The following RIPPLY2 variants were observed in gnomAD, a reference collection of about 807,000 sequenced individuals.
RIPPLY2 encodes the protein protein ripply2.
In RIPPLY2, 20 loss-of-function variants were observed where a neutral mutation model predicts 17.7. The ratio of observed to expected loss-of-function variants is 1.13; its 90% confidence interval spans 0.79 to 1.64. The LOEUF is 1.64. Among genes scored for constraint, RIPPLY2 ranks in the 40% most tolerant of loss-of-function variants. The pLI, the probability that RIPPLY2 is intolerant of heterozygous loss-of-function variation, is 0.00. For synonymous variants in RIPPLY2, 69 were observed against 63.9 expected (o/e 1.08, Z -0.38); for missense variants, 213 against 169.8 (o/e 1.25, Z -1.41).
In RIPPLY2 at chr6:83,857,456, T is replaced by C. The variant is rs571970844; in HGVS notation, c.*67T>C. 5.8e-5 allele frequency: 57 copies of C among 977,708 alleles called. 1 individual carries two copies. The Middle Eastern group carries it at 1.9e-3, about 32-fold the overall frequency. The allele number at this position is 977,708 out of a possible 1,614,324, so 60.6% of individuals were successfully genotyped here. On this transcript the variant is annotated 3_prime_UTR_variant, in exon 4 of 4. Transcript: ENST00000369689. ...TTAAATTTAGTGTACAAATGTATCA[T>C]AATTATTTTAAACTAATTTATTTGT...
Position 83,853,477 on chromosome 6 carries a change from G to A in RIPPLY2, c.61G>A (p.Asp21Asn). 6.5e-7 allele frequency: 1 copy of A among 1,540,956 alleles called. No homozygotes were observed. ...TGGAGCTGCGGCGTGCGCGGCCACC[G>A]ACGGCCCTACGCGGCGCGCGGGCGC... ...ESGAAACAAT[D>N]GPTRRAGADS... The change falls in exon 1 of 4, where the codon GAC becomes AAC. Residue 21 changes from aspartate to asparagine, a missense_variant. Coordinates refer to ENST00000369689, the MANE Select transcript of RIPPLY2 (RefSeq NM_001009994.3).
Position 83,853,438 on chromosome 6 carries a change from G to C in RIPPLY2, c.22G>C (p.Glu8Gln). Reference sequence around the variant, plus strand: ...CGTCATGGAGAACGCGGGAGGCGCAGAGGGTACAGAGAGTGGAGCTGCGGC... The same window carrying C: ...CGTCATGGAGAACGCGGGAGGCGCACAGGGTACAGAGAGTGGAGCTGCGGC... Reference protein sequence around the residue: MENAGGAEGTESGAAACA... With the variant: MENAGGAQGTESGAAACA... The change falls in exon 1 of 4, where the codon GAG becomes CAG. Residue 8 changes from glutamate (E) to glutamine (Q), a missense_variant. Coordinates refer to ENST00000369689, the MANE Select transcript of RIPPLY2 (RefSeq NM_001009994.3). 6.5e-7 allele frequency: 1 copy of C among 1,543,808 alleles called. No homozygotes were observed. The highest frequency in any genetic ancestry group is 2.4e-5 in the East Asian group (1 of 40,862).
intron 2 of RIPPLY2, 158 bp downstream of exon 2, chr6:83,853,931 G>A (rs2099454597): frequency 2.0e-6 from 2 of 977,414 alleles, no homozygotes; most frequent in Non-Finnish European, 3.1e-6. Flanking sequence ...CCGACGCGGC[G>A]GATGTGTCCT....
chr6:83,857,309 T>A lies in RIPPLY2; in HGVS notation c.307T>A (p.Phe103Ile). The change falls in exon 4 of 4, where the codon TTT becomes ATT. Residue 103 changes from phenylalanine to isoleucine, a missense_variant. Phe to Ile is a conservative substitution (Grantham distance 21, BLOSUM62 0). Transcript: ENST00000369689. ...AGAAGCAGAAGCTCTTCTGAAAAAT[T>A]TTCCAATTCAAGCCACAATTTCATT... The part of the protein sequence containing the change: ...YQEAEALLKN[F>I]PIQATISFYE... 6.3e-7 allele frequency: 1 copy of A among 1,578,714 alleles called. No homozygotes were observed. The highest frequency in any genetic ancestry group is 1.2e-5 in the South Asian group (1 of 83,986).
At chr6:83,854,059 G>T in intron 2 of RIPPLY2, 38 bp from the exon 3 acceptor site, 1 of 1,568,368 alleles carries the variant, frequency 6.4e-7, no homozygotes, top group South Asian at 1.1e-5. Context: ...TCTAGAAGGA[G>T]GTGGGTGATA....
In RIPPLY2 at chr6:83,853,425, C is replaced by T. The variant is rs758151366; in HGVS notation, c.9C>T (p.Asn3=). ME[N]AGGAEGTESG... is the part of the protein sequence containing the mutation. ...CCCAGCTCTGCGGCGTCATGGAGAA[C>T]GCGGGAGGCGCAGAGGGTACAGAGA... The change falls in exon 1 of 4, where the codon AAC becomes AAT. Residue 3 remains asparagine, a synonymous_variant. Coordinates refer to ENST00000369689, the MANE Select transcript of RIPPLY2 (RefSeq NM_001009994.3). 3.2e-6 allele frequency: 5 copies of T among 1,543,450 alleles called. No individual in the cohort carries two copies. The African/African-American group carries it at 5.5e-5, about 17-fold the overall frequency.
intron 3 of RIPPLY2, chr6:83,856,411 C>T (rs2099454994): frequency 6.6e-6 from 1 of 152,110 alleles, no homozygotes; most frequent in African/African-American, 2.4e-5. Flanking sequence ...GGGCTGTTTA[C>T]CCTGCACTAA....
chr6:83,853,991 C>T (rs2099454611), intron 2 of RIPPLY2, 106 bp from the exon 3 acceptor site: 4 of 1,192,452 alleles, frequency 3.4e-6, no homozygotes, highest in Admixed American at 1.7e-5. Context: ...CTGCTGAGAG[C>T]CCTGGGGTTA....
At chr6:83,854,341 C>T (rs2099454669) in intron 3 of RIPPLY2, 180 bp downstream of exon 3, 5 of 616,752 alleles carry the variant, frequency 8.1e-6, no homozygotes, top group Non-Finnish European at 1.4e-5. Flanking sequence ...GCTCACGGTC[C>T]CACGTAAAGG....
chr6:83,854,352 G>A (rs925742717), intron 3 of RIPPLY2, 191 bp downstream of exon 3: 1 of 608,542 alleles, frequency 1.6e-6, no homozygotes, highest in African/African-American at 1.8e-5. Flanking sequence ...CACGTAAAGG[G>A]ACTGTTGATG....
At chr6:83,857,069 C>A (rs1221134805) in intron 3 of RIPPLY2, 173 bp from the exon 4 acceptor site, 2 of 380,474 alleles carry the variant, frequency 5.3e-6, no homozygotes, top group Non-Finnish European at 9.5e-6. Context: ...GATACTTGGG[C>A]AGGTAGATTC....
rs777207694 is a variant in RIPPLY2 at position 83,853,742 on chromosome 6, A to G, written c.143A>G (p.Glu48Gly). The change falls in exon 2 of 4, where the codon GAA becomes GGA. Residue 48 changes from glutamate (E) to glycine (G), a missense_variant. Coordinates refer to ENST00000369689, the MANE Select transcript of RIPPLY2 (RefSeq NM_001009994.3). Reference sequence around the variant, plus strand: ...TGGGTGGACGCCGGAGGCAAGAAAGAAGAGGAGACGCCGAACCACGCCGCG... The same window carrying G: ...TGGGTGGACGCCGGAGGCAAGAAAGGAGAGGAGACGCCGAACCACGCCGCG... ...RPWVDAGGKK[E>G]EETPNHAAEA... The G allele has an allele frequency of 6.8e-6, 11 of 1,613,592 alleles. 1 individual carries two copies. The South Asian group carries it at 1.2e-4, about 18-fold the overall frequency.
chr6:83,854,013 G>A, intron 2 of RIPPLY2, 84 bp from the exon 3 acceptor site: 1 of 1,333,162 alleles, frequency 7.5e-7, no homozygotes, highest in Non-Finnish European at 1.1e-6. Flanking sequence ...ATTCCCAGCG[G>A]GCACGAGGAA....
At chr6:83,854,270 C>G (rs992699094) in intron 3 of RIPPLY2, 109 bp downstream of exon 3, 3 of 872,426 alleles carry the variant, frequency 3.4e-6, no homozygotes, top group East Asian at 2.5e-5. Flanking sequence ...CTCTCTCTCT[C>G]TCTGAAAATC....
Position 83,853,462 on chromosome 6 carries a change from G to A in RIPPLY2, c.46G>A (p.Ala16Thr), listed in dbSNP as rs1295530476. 2 of 1,542,310 alleles carry A rather than the reference G, an allele frequency of 1.3e-6. No homozygotes were observed. The highest frequency in any genetic ancestry group is 1.7e-6 in the Non-Finnish European group (2 of 1,146,082). ...AGAGGGTACAGAGAGTGGAGCTGCG[G>A]CGTGCGCGGCCACCGACGGCCCTAC... Reference protein sequence around the residue: ...GAEGTESGAAACAATDGPTRR... With the variant: ...GAEGTESGAATCAATDGPTRR... The change falls in exon 1 of 4, where the codon GCG (alanine) becomes ACG (threonine). Residue 16 changes from alanine to threonine, a missense_variant. Ala to Thr is a moderately conservative substitution (Grantham distance 58, BLOSUM62 0). Transcript: ENST00000369689.
chr6:83,855,288 G>A (rs2099454823), intron 3 of RIPPLY2: 1 of 152,194 alleles, frequency 6.6e-6, no homozygotes, highest in Admixed American at 6.5e-5. Flanking sequence ...GGTAGTCTTG[G>A]GGGTTATATG....
chr6:83,853,886 G>T, intron 2 of RIPPLY2, 113 bp downstream of exon 2: 2 of 1,083,388 alleles, frequency 1.8e-6, no homozygotes. Flanking sequence ...CCTGCCTCTC[G>T]CTTAACATCC....
intron 3 of RIPPLY2, chr6:83,855,710 A>G (rs952421465): frequency 6.6e-6 from 1 of 152,276 alleles, no homozygotes; most frequent in African/African-American, 2.4e-5. Context: ...GGAAATACAG[A>G]CTTGGGAGTC....
chr6:83,854,208 G>T, intron 3 of RIPPLY2, 47 bp downstream of exon 3: 1 of 1,486,714 alleles, frequency 6.7e-7, no homozygotes, highest in South Asian at 1.1e-5. Flanking sequence ...CCAGCCCCAG[G>T]GAGGAGCCAG....
Sources: allele counts gnomAD v4.1 joint callset, GRCh38; gene constraint gnomAD v4.1.1; transcripts MANE v1.5; gene names NCBI Gene and HGNC (gene_info 2026-07-23, HGNC 2026-07-21).